Variants in TRIQK observed in about 807,000 individuals in gnomAD.
TRIQK encodes triple QxxK/R motif-containing protein.
A neutral mutation model predicts 10.8 loss-of-function variants in TRIQK; 10 were observed. The ratio of observed to expected loss-of-function variants is 0.92; its 90% CI spans 0.57 to 1.57. The LOEUF (loss-of-function observed/expected upper bound fraction) is 1.57. Ranked by LOEUF, TRIQK falls within the 40% of genes most tolerant of loss-of-function variation. The pLI is 0.00. For missense variants in TRIQK, 107 were observed against 97.7 expected (o/e 1.09, Z -0.40); for synonymous variants, 33 against 33.7 (o/e 0.98, Z 0.07).
chr8:92,892,196 C>G (rs927934260), intron 3 of TRIQK, 122 bp from the exon 4 acceptor site: 3 of 647,474 alleles, frequency 4.6e-6, no homozygotes, highest in Non-Finnish European at 7.4e-6. Flanking sequence ...CAAAGTAGTT[C>G]CCAGTTGTGG....
chr8:93,015,319 T>A (rs550037127), intron 1 of TRIQK, among the ~76,000 whole-genome samples: 29 of 152,014 alleles, frequency 1.9e-4, no homozygotes, highest in African/African-American at 7.0e-4. Context: ...CAAAGTAATA[T>A]AATACTACAA....
rs921316729 is a variant in TRIQK at position 92,991,067 on chromosome 8, G to A, written c.-181+26542C>T. On this transcript the variant is annotated intron_variant, in intron 1 of 4. Coordinates refer to the TRIQK transcript ENST00000520686. ...CGAGGAACACTCTGGCTTGGTGGGGGGAGGGAGGTCCACTATTACTAAGGC... is the reference window on the plus strand; with the variant it reads ...CGAGGAACACTCTGGCTTGGTGGGGAGAGGGAGGTCCACTATTACTAAGGC... Among the ~76,000 whole-genome samples, 4 of 152,262 alleles carry A rather than the reference G, an allele frequency of 2.6e-5. No homozygotes were observed. In the South Asian group the frequency reaches 8.3e-4, roughly 32 times the overall value.
intron 1 of TRIQK, among the ~76,000 whole-genome samples, chr8:93,001,436 G>GA (rs2130757047): frequency 6.6e-6 from 1 of 151,954 alleles, no homozygotes; most frequent in East Asian, 1.9e-4. Flanking sequence ...TGAAGCTGTT[G>GA]AAAAAGATAT....
At chr8:92,978,258 G>A (rs1465411570) in intron 1 of TRIQK, among the ~76,000 whole-genome samples, 1 of 152,040 alleles carries the variant, frequency 6.6e-6, no homozygotes, top group Non-Finnish European at 1.5e-5. Flanking sequence ...ATGTGCTGTG[G>A]CCTGGAAACT....
At chr8:92,980,191 C>T (rs1812972545) in intron 1 of TRIQK, among the ~76,000 whole-genome samples, 1 of 151,960 alleles carries the variant, frequency 6.6e-6, no homozygotes, top group African/African-American at 2.4e-5. Flanking sequence ...TGTCACTACT[C>T]ATTGAAATGA....
chr8:92,915,907 TTG>T (rs1427343066), intron 3 of TRIQK, among the ~76,000 whole-genome samples: 2 of 152,150 alleles, frequency 1.3e-5, no homozygotes, highest in African/African-American at 2.4e-5. Flanking sequence ...AGCGTACTTT[TTG>T]TGTCTTATTT....
At chr8:92,890,896 G>A (rs529331102) in intron 4 of TRIQK, among the ~76,000 whole-genome samples, 25 of 151,706 alleles carry the variant, frequency 1.6e-4, no homozygotes, top group Non-Finnish European at 2.8e-4. Flanking sequence ...AAAAAGTCAC[G>A]TCATAAAGAA....
chr8:92,949,680 GA>G (rs773840410), intron 2 of TRIQK, among the ~76,000 whole-genome samples: 3 of 75,392 alleles, frequency 4.0e-5, no homozygotes, highest in African/African-American at 1.7e-4. Flanking sequence ...AGGAAAGAAA[GA>G]AAGAAAGAAA....
intron 4 of TRIQK, among the ~76,000 whole-genome samples, chr8:92,891,574 A>G (rs1214857884): frequency 6.6e-6 from 1 of 152,006 alleles, no homozygotes; most frequent in African/African-American, 2.4e-5. Context: ...ACTGACAACA[A>G]TAAGATAAGC....
intron 3 of TRIQK, among the ~76,000 whole-genome samples, chr8:92,904,908 G>C (rs1809168412): frequency 6.6e-6 from 1 of 152,132 alleles, no homozygotes; most frequent in Admixed American, 6.5e-5. Flanking sequence ...TGTTGGAATT[G>C]TCTCCCAGAA....
rs539483886 is a variant in TRIQK at position 92,884,483 on chromosome 8, C to G, written c.*2139G>C. 17 of 262,034 alleles carry G rather than the reference C, an allele frequency of 6.5e-5. No individual in the cohort carries two copies. The highest frequency in any genetic ancestry group is 3.6e-4 in the African/African-American group (16 of 44,214). 16.2% of individuals were successfully genotyped at this position (262,034 alleles called of 1,614,324 possible). A position where few individuals can be genotyped will look rare whatever the true frequency, so the allele number is the denominator to read the frequency against. On this transcript the variant is annotated 3_prime_UTR_variant, in exon 5 of 5. Coordinates refer to ENST00000521988, the MANE Select transcript of TRIQK (RefSeq NM_001171797.2). ...TCAATCAGTCATACGAATGGACTAG[C>G]TGTAGACTCAGGATATCAATAAAAC...
intron 2 of TRIQK, among the ~76,000 whole-genome samples, chr8:92,941,841 T>C (rs1811285131): frequency 6.6e-6 from 1 of 151,944 alleles, no homozygotes; most frequent in South Asian, 2.1e-4. Flanking sequence ...AAGAAATGGA[T>C]AAACTAGAAA....
At chr8:93,017,308 G>A (rs749224634) in intron 1 of TRIQK, among the ~76,000 whole-genome samples, 1 of 152,048 alleles carries the variant, frequency 6.6e-6, no homozygotes, top group Non-Finnish European at 1.5e-5. Flanking sequence ...AGAAATAAAC[G>A]AACAAGCAAA....
At chr8:92,913,502 C>A (rs149811187) in intron 3 of TRIQK, among the ~76,000 whole-genome samples, 1 of 152,180 alleles carries the variant, frequency 6.6e-6, no homozygotes, top group South Asian at 2.1e-4. Context: ...GAAATAGGAA[C>A]GCTTTTACAC....
rs116614735 is a variant in TRIQK at position 92,897,014 on chromosome 8, G to A, written c.62-4940C>T. On this transcript the variant is annotated intron_variant, in intron 3 of 4. Coordinates refer to ENST00000521988, the MANE Select transcript of TRIQK (RefSeq NM_001171797.2). ...GTATTTTTAGTAGAGATGGGGTTTCGCAATACTGGCCATGCTGGTCTTGAA... is the reference window on the plus strand; with the variant it reads ...GTATTTTTAGTAGAGATGGGGTTTCACAATACTGGCCATGCTGGTCTTGAA... Among the ~76,000 whole-genome samples the A allele has an allele frequency of 8.3e-3, 1,254 of 151,844 alleles. 13 individuals carry two copies. The highest frequency in any genetic ancestry group is 0.029 in the African/African-American group (1,186 of 41,438).
Position 92,886,574 on chromosome 8 carries a change from G to A in TRIQK, c.*48C>T. 3 of 1,207,202 alleles carry A rather than the reference G, an allele frequency of 2.5e-6. No individual in the cohort carries two copies. Among genetic ancestry groups the A allele is most frequent in the Non-Finnish European group, 3.4e-6 (3 of 876,896 alleles). The allele number at this position is 1,207,202 out of a possible 1,614,324, so 74.8% of individuals were successfully genotyped here. A position where few individuals can be genotyped will look rare whatever the true frequency, so the allele number is the denominator to read the frequency against. On this transcript the variant is annotated 3_prime_UTR_variant, in exon 5 of 5. Coordinates refer to ENST00000521988, the MANE Select transcript of TRIQK (RefSeq NM_001171797.2). ...AGTATTGAAAGTTTTGGTCCCAAAA[G>A]GTGCTTTCGTAAAGTTATTTCTCTT...
At chr8:92,970,760 C>T (rs1050532524), upstream of TRIQK, among the ~76,000 whole-genome samples, 1 of 151,976 alleles carries the variant, frequency 6.6e-6, no homozygotes, top group African/African-American at 2.4e-5. Context: ...TCTTTTCACT[C>T]ATGATAGTTT....
chr8:92,904,082 T>A (rs1809111571), intron 3 of TRIQK, among the ~76,000 whole-genome samples: 1 of 152,024 alleles, frequency 6.6e-6, no homozygotes. Flanking sequence ...TTGGAAATAT[T>A]GAAGTGCAAA....
chr8:92,923,361 A>C (rs1467437792), intron 2 of TRIQK, among the ~76,000 whole-genome samples: 1 of 151,594 alleles, frequency 6.6e-6, no homozygotes, highest in Admixed American at 6.6e-5. Flanking sequence ...GCGGAAAGGG[A>C]ATAACAGACT....
Sources: gnomAD v4.1 joint callset for allele counts (sites outside exome capture counted in the v4.1 genomes callset) on GRCh38, gnomAD v4.1.1 for gene constraint, MANE v1.5 for transcripts, NCBI Gene and HGNC (gene_info 2026-07-23, HGNC 2026-07-21) for gene names.